CDH13: variants seen among roughly 807,000 people sequenced by gnomAD.
CDH13 encodes cadherin 13, also known as cadherin-13.
Under a neutral mutation model 63.8 loss-of-function variants are expected in CDH13, and 24 were observed. The ratio of observed to expected loss-of-function variants is 0.38; its 90% CI spans 0.27 to 0.53. The LOEUF (loss-of-function observed/expected upper bound fraction) is 0.53, where lower values mean the gene tolerates loss of function less well. Ranked by LOEUF, CDH13 falls within the 20% of genes least tolerant of loss-of-function variation. The pLI, the probability that CDH13 is intolerant of heterozygous loss-of-function variation, is 0.85. For missense variants in CDH13, 1,049 were observed against 903.1 expected (o/e 1.16, Z -2.07); for synonymous variants, 503 against 355.3 (o/e 1.42, Z -4.67).
rs548224662 is a variant in CDH13, at chr16:83,035,915, T to G, written c.366+3697T>G. On this transcript the variant is annotated intron_variant, in intron 3 of 13. Transcript: ENST00000567109. ...TACAGCAATGACCAACACTGATGCT[T>G]ACGTAATACTTACTATGTGCTAAAC... Among the ~76,000 whole-genome samples the G allele has an allele frequency of 1.1e-4, 16 of 152,310 alleles. No homozygotes were observed. In the South Asian group the frequency reaches 2.7e-3, roughly 26 times the overall value.
At chr16:82,789,276 G>T (rs931168568) in intron 1 of CDH13, among the ~76,000 whole-genome samples, 1 of 152,144 alleles carries the variant, frequency 6.6e-6, no homozygotes, top group African/African-American at 2.4e-5. Flanking sequence ...ATTACACAAA[G>T]AACTAATTCA....
At chr16:83,681,155 C>A (rs1018682576) in intron 10 of CDH13, among the ~76,000 whole-genome samples, 31 of 152,034 alleles carry the variant, frequency 2.0e-4, no homozygotes, top group Non-Finnish European at 1.5e-5. Flanking sequence ...GACCCCAGCA[C>A]CCAGCTGTGA....
chr16:82,808,006 C>T (rs1354868474), intron 1 of CDH13, among the ~76,000 whole-genome samples: 1 of 152,088 alleles, frequency 6.6e-6, no homozygotes, highest in Non-Finnish European at 1.5e-5. Flanking sequence ...AGTATTTCTC[C>T]AGCGCAGTTC....
At position 83,568,983 on chromosome 16, in the gene CDH13, G is replaced by C. The variant is rs75861524; in HGVS notation, c.961-33471G>C. Among the ~76,000 whole-genome samples the C allele has an allele frequency of 4.6e-4, 70 of 152,100 alleles. No individual in the cohort carries two copies. In the East Asian group the frequency reaches 0.013, roughly 29 times the overall value. On this transcript the variant is annotated intron_variant, in intron 7 of 13. Coordinates refer to ENST00000567109, the MANE Select transcript of CDH13 (RefSeq NM_001257.5). ...TTTTCTGAAACACTCTCCTCTGCTT[G>C]AAAGTACTGAAGGCTTCATCTTGCC...
intron 6 of CDH13, among the ~76,000 whole-genome samples, chr16:83,450,830 A>G (rs1228854604): frequency 1.3e-5 from 2 of 152,180 alleles, no homozygotes; most frequent in Non-Finnish European, 2.9e-5. Flanking sequence ...AGATGGTGCC[A>G]CTGCACTCCA....
chr16:82,840,162 A>G (rs564623021), intron 1 of CDH13, among the ~76,000 whole-genome samples: 1 of 152,264 alleles, frequency 6.6e-6, no homozygotes, highest in Admixed American at 6.5e-5. Flanking sequence ...AGGAGGGCTT[A>G]TGACTGAATC....
intron 1 of CDH13, among the ~76,000 whole-genome samples, chr16:82,778,796 A>G (rs1203790722): frequency 1.3e-5 from 2 of 152,168 alleles, no homozygotes; most frequent in African/African-American, 2.4e-5. Context: ...CATTTACAGA[A>G]AAAACATGGC....
At chr16:82,651,652 T>G (rs1910734132) in intron 1 of CDH13, among the ~76,000 whole-genome samples, 2 of 152,224 alleles carry the variant, frequency 1.3e-5, no homozygotes, top group African/African-American at 4.8e-5. Flanking sequence ...AGACTGAGGC[T>G]TAGAGAGGGT....
chr16:83,243,472 T>A (rs1228303187), intron 5 of CDH13, among the ~76,000 whole-genome samples: 3 of 152,072 alleles, frequency 2.0e-5, no homozygotes, highest in African/African-American at 7.2e-5. Flanking sequence ...CACTTACCTC[T>A]CTCACCTGGT....
At chr16:83,317,675 C>T (rs1191469873) in intron 5 of CDH13, among the ~76,000 whole-genome samples, 1 of 152,052 alleles carries the variant, frequency 6.6e-6, no homozygotes, top group Non-Finnish European at 1.5e-5. Context: ...TGGCATGCAC[C>T]TGTAATCCCA....
chr16:83,710,689 GT>G (rs1266257589), intron 10 of CDH13: 1 of 152,202 alleles, frequency 6.6e-6, no homozygotes, highest in African/African-American at 2.4e-5. Context: ...CTAAACCAGA[GT>G]TTCCTTGTCT....
chr16:83,604,439 GA>G (rs983455476), intron 8 of CDH13, among the ~76,000 whole-genome samples: 1 of 152,034 alleles, frequency 6.6e-6, no homozygotes, highest in African/African-American at 2.4e-5. Context: ...GGATAGGAAT[GA>G]AAAAAATATA....
At chr16:83,554,256 T>G (rs551604691) in intron 7 of CDH13, among the ~76,000 whole-genome samples, 1 of 150,150 alleles carries the variant, frequency 6.7e-6, no homozygotes, top group East Asian at 2.0e-4. Context: ...AGCCAAAATT[T>G]GAACTCCAGC....
chr16:83,031,604 C>T (rs551252043), intron 2 of CDH13, among the ~76,000 whole-genome samples: 118 of 152,064 alleles, frequency 7.8e-4, no homozygotes, highest in Non-Finnish European at 1.4e-3. Context: ...TACTTATCTT[C>T]AATACCCAGC....
intron 5 of CDH13, among the ~76,000 whole-genome samples, chr16:83,232,038 C>A (rs916248576): frequency 6.6e-6 from 1 of 151,184 alleles, no homozygotes; most frequent in Non-Finnish European, 1.5e-5. Context: ...GGACACAAGG[C>A]GGGCTTTTCA....
intron 7 of CDH13, among the ~76,000 whole-genome samples, chr16:83,529,979 G>T (rs377177497): frequency 6.6e-6 from 1 of 152,092 alleles, no homozygotes; most frequent in Non-Finnish European, 1.5e-5. Context: ...AAATGGGGTC[G>T]GGTAAGAATC....
At chr16:83,602,252 T>C (rs1226518205) in intron 7 of CDH13, among the ~76,000 whole-genome samples, 1 of 151,596 alleles carries the variant, frequency 6.6e-6, no homozygotes, top group Non-Finnish European at 1.5e-5. Context: ...CAAACTCCAG[T>C]CTTTGAATAG....
chr16:83,076,528 T>A (rs2032851176), intron 3 of CDH13, among the ~76,000 whole-genome samples: 1 of 152,112 alleles, frequency 6.6e-6, no homozygotes, highest in African/African-American at 2.4e-5. Flanking sequence ...TTTTCAAACA[T>A]AAAGTTGAAA....
chr16:83,445,210 C>T (rs2151501433), intron 6 of CDH13, among the ~76,000 whole-genome samples: 1 of 105,794 alleles, frequency 9.5e-6, no homozygotes, highest in Admixed American at 9.0e-5. Flanking sequence ...CATTTTGCAG[C>T]TGAGGAAACT....
Sources: allele counts gnomAD v4.1 joint callset (sites outside exome capture counted in the v4.1 genomes callset), GRCh38; gene constraint gnomAD v4.1.1; transcripts MANE v1.5; gene names NCBI Gene and HGNC (gene_info 2026-07-23, HGNC 2026-07-21).